VMA22: variants seen among roughly 807,000 people sequenced by gnomAD.
VMA22 encodes the protein vacuolar ATPase assembly protein VMA22.
chr2:130,338,197 T>C, the VMA22 span: 2 of 152,220 alleles, frequency 1.3e-5, no homozygotes, highest in South Asian at 2.1e-4. Flanking sequence ...GACAGCTGGA[T>C]ACATTCAACT....
chr2:130,339,717 A>T, the VMA22 span: 1 of 1,304,174 alleles, frequency 7.7e-7, no homozygotes, highest in Non-Finnish European at 1.0e-6. Context: ...CACACATTGG[A>T]TCACTCGCTC....
the VMA22 span, chr2:130,340,457 C>T: frequency 4.1e-6 from 1 of 244,858 alleles, no homozygotes; most frequent in African/African-American, 2.4e-5. Context: ...ATATATCTGG[C>T]TTCAGGGCTT....
chr2:130,338,535 T>C, the VMA22 span: 5 of 152,232 alleles, frequency 3.3e-5, no homozygotes, highest in African/African-American at 4.8e-5. Flanking sequence ...CAGCCTCTTA[T>C]GGTAAGACAA....
the VMA22 span, chr2:130,340,932 G>C: frequency 2.0e-4 from 326 of 1,614,116 alleles, 1 homozygote; most frequent in African/African-American, 3.1e-3. Context: ...GCTTGAGCCT[G>C]ACGTAGACTG....
chr2:130,339,684 T>A, the VMA22 span: 1 of 1,304,460 alleles, frequency 7.7e-7, no homozygotes, highest in East Asian at 5.5e-5. Context: ...GTCTTCGGCC[T>A]CCTGTTCAGC....
the VMA22 span, chr2:130,339,699 G>A: frequency 7.7e-7 from 1 of 1,304,364 alleles, no homozygotes; most frequent in Non-Finnish European, 1.0e-6. Context: ...TTCAGCAGCA[G>A]GGCTGACCAC....
chr2:130,341,980 G>A, the VMA22 span: 2 of 1,612,564 alleles, frequency 1.2e-6, no homozygotes, highest in Non-Finnish European at 1.7e-6. Flanking sequence ...CTCAGTTTAC[G>A]CCCGTGTACC....
At chr2:130,339,266 T>C in the VMA22 span, 1 of 1,583,512 alleles carries the variant, frequency 6.3e-7, no homozygotes, top group Non-Finnish European at 8.7e-7. Flanking sequence ...CCATGGTATC[T>C]GTAGTGTAAC....
the VMA22 span, chr2:130,341,801 G>GTC: frequency 5.1e-6 from 7 of 1,378,140 alleles, no homozygotes; most frequent in South Asian, 3.9e-5. Context: ...CCTAGAACGC[G>GTC]CCCGCCCGCC....
chr2:130,341,625 T>G, the VMA22 span: 1 of 1,522,738 alleles, frequency 6.6e-7, no homozygotes, highest in Non-Finnish European at 9.0e-7. Context: ...ATTTTGTCTT[T>G]GACACTGGGA....
At chr2:130,339,555 C>A in the VMA22 span, 2 of 1,281,000 alleles carry the variant, frequency 1.6e-6, no homozygotes, top group Non-Finnish European at 1.0e-6. Flanking sequence ...TCTCTCTGCC[C>A]TCACCTGCTC....
At chr2:130,339,858 A>C in the VMA22 span, 323 of 1,225,148 alleles carry the variant, frequency 2.6e-4, no homozygotes, top group Non-Finnish European at 3.2e-4. Context: ...TGCTGATCTC[A>C]TCCTATCTCA....
At chr2:130,342,610 A>C in the VMA22 span, 1 of 467,372 alleles carries the variant, frequency 2.1e-6, no homozygotes, top group African/African-American at 1.9e-5. Flanking sequence ...GTCATCTGAA[A>C]ACTGCATTCT....
At chr2:130,340,584 G>A in the VMA22 span, 8 of 368,900 alleles carry the variant, frequency 2.2e-5, no homozygotes, top group East Asian at 5.7e-4. Flanking sequence ...TCCATTATGT[G>A]TTTTTCATAA....
chr2:130,339,629 T>C, the VMA22 span: 2 of 1,305,282 alleles, frequency 1.5e-6, no homozygotes, highest in Non-Finnish European at 2.0e-6. Context: ...CTTTTGCTGA[T>C]GTCTCTGCTG....
chr2:130,340,695 C>T, the VMA22 span: 2 of 597,606 alleles, frequency 3.3e-6, no homozygotes, highest in Admixed American at 2.9e-5. Flanking sequence ...CTTTTGTTCC[C>T]TGCTGTATCC....
At chr2:130,339,258 A>G in the VMA22 span, 41 of 1,596,192 alleles carry the variant, frequency 2.6e-5, no homozygotes, top group Non-Finnish European at 3.2e-5. Flanking sequence ...GAAGGTCACC[A>G]TGGTATCTGT....
At chr2:130,341,323 C>G in the VMA22 span, 1 of 545,894 alleles carries the variant, frequency 1.8e-6, no homozygotes, top group Non-Finnish European at 3.2e-6. Context: ...AACATGCCAA[C>G]AGACCAGACA....
chr2:130,340,764 T>G, the VMA22 span: 2 of 944,028 alleles, frequency 2.1e-6, no homozygotes, highest in Non-Finnish European at 3.2e-6. Context: ...TTGGAAAAAA[T>G]AATGGGTGTA....
Sources: allele counts gnomAD v4.1 joint callset, GRCh38; gene constraint gnomAD v4.1.1; transcripts MANE v1.5; gene names NCBI Gene and HGNC (gene_info 2026-07-23, HGNC 2026-07-21).